Variants in MYH9 observed in about 807,000 individuals in gnomAD.
MYH9 encodes myosin-9.
A neutral mutation model predicts 241.9 loss-of-function variants in MYH9; 29 were observed. That is an observed-to-expected ratio of 0.12 (90% CI 0.09 to 0.16). MYH9 has a LOEUF of 0.16. Among genes scored for constraint, MYH9 ranks in the 10% least tolerant of loss-of-function variants. The pLI, the probability that MYH9 is intolerant of heterozygous loss-of-function variation, is 1.00. For missense variants in MYH9, 1,803 were observed against 2,595.5 expected (o/e 0.69, Z 6.63); for synonymous variants, 1,047 against 1,062.6 (o/e 0.99, Z 0.29).
At chr22:36,383,401 C>T (rs2146430124) in intron 1 of MYH9, among the ~76,000 whole-genome samples, 1 of 152,266 alleles carries the variant, frequency 6.6e-6, no homozygotes, top group South Asian at 2.1e-4. Context: ...TCTGTCCCAG[C>T]CGGGGCCCTG....
intron 1 of MYH9, among the ~76,000 whole-genome samples, chr22:36,374,045 C>A (rs562552551): frequency 8.4e-4 from 128 of 151,640 alleles, no homozygotes; most frequent in Middle Eastern, 3.4e-3. Flanking sequence ...GTGCAATAAA[C>A]ACCACACACA....
rs2016776564 is a variant in MYH9, at chr22:36,295,632, G to A, written c.3358C>T (p.Leu1120=). 4 of 1,613,820 alleles carry A rather than the reference G, an allele frequency of 2.5e-6. No homozygotes were observed. Among genetic ancestry groups the A allele is most frequent in the Admixed American group, 3.3e-5 (2 of 59,986 alleles). ...TTCCTGGAAGCACGCTCAGACTCCA[G>A]GTCTTCCTGGAGTTCAGAGATCTGA... is the stretch of plus-strand genomic sequence containing the variant. ...ESQISELQED[L]ESERASRNKA... is the part of the protein sequence containing the mutation. The change falls in exon 26 of 41, where the codon CTG becomes TTG. Residue 1120 remains leucine (L), a synonymous_variant. Transcript: ENST00000216181. This position sits in a 1 kb window ranked among gnomAD's most constrained non-coding sequence, Gnocchi z 4.1.
chr22:36,384,450 G>C (rs1166723371), intron 1 of MYH9, among the ~76,000 whole-genome samples: 1 of 149,126 alleles, frequency 6.7e-6, no homozygotes, highest in Non-Finnish European at 1.5e-5. Flanking sequence ...GGGTGTGGTG[G>C]TGGGCACCTG....
chr22:36,334,190 C>T (rs1439231955), intron 3 of MYH9, among the ~76,000 whole-genome samples: 2 of 152,170 alleles, frequency 1.3e-5, no homozygotes, highest in Admixed American at 1.3e-4. Flanking sequence ...ATGAGACTGA[C>T]AGGCAGGACC....
intron 31 of MYH9, among the ~76,000 whole-genome samples, chr22:36,290,351 AAAAAAAACCCAAACTATTTT>A (rs1336086653): frequency 1.3e-4 from 20 of 151,684 alleles, no homozygotes; most frequent in African/African-American, 4.6e-4. Flanking sequence ...AAAAAAAAAA[AAAAAAAACCCAAACTATTTT>A]AAAAAAACCC....
intron 1 of MYH9, among the ~76,000 whole-genome samples, chr22:36,367,117 T>C (rs182921026): frequency 6.6e-6 from 1 of 152,220 alleles, no homozygotes; most frequent in East Asian, 1.9e-4. Flanking sequence ...TCAAAGGTAA[T>C]GGGGCACTAG....
chr22:36,323,554 T>C lies in MYH9; in HGVS notation c.613-1033A>G, dbSNP rs148812519. On this transcript the variant is annotated intron_variant, in intron 5 of 40. Coordinates refer to ENST00000216181, the MANE Select transcript of MYH9 (RefSeq NM_002473.6). ...GGGAACAGCAGCCGCCTGTGAGTGA[T>C]GACAAGGAGAACTAGGAGGAGTAGG... 1.8e-3 allele frequency among the ~76,000 whole-genome samples: 268 copies of C among 152,124 alleles called. 1 individual carries two copies. Among genetic ancestry groups the C allele is most frequent in the South Asian group, 2.9e-3 (14 of 4,810 alleles).
At chr22:36,378,850 G>A (rs1030240302) in intron 1 of MYH9, among the ~76,000 whole-genome samples, 2 of 152,028 alleles carry the variant, frequency 1.3e-5, no homozygotes, top group African/African-American at 4.8e-5. Context: ...TCACCATTTA[G>A]AAAACACGCT....
intron 1 of MYH9, among the ~76,000 whole-genome samples, chr22:36,366,493 G>A (rs1352710107): frequency 6.6e-6 from 1 of 152,162 alleles, no homozygotes; most frequent in Non-Finnish European, 1.5e-5. Context: ...GATCCCGCCA[G>A]CCTTGGCAAA....
chr22:36,302,777 C>T (rs1301867641), intron 19 of MYH9, 101 bp from the exon 20 acceptor site: 3 of 978,130 alleles, frequency 3.1e-6, no homozygotes, highest in Non-Finnish European at 4.8e-6. Flanking sequence ...CTACCCTTGC[C>T]TGGGGCACCT....
Position 36,324,715 on chromosome 22 carries a change from C to T in MYH9, c.612+1853G>A, listed in dbSNP as rs9622382. 4.3e-3 allele frequency among the ~76,000 whole-genome samples: 654 copies of T among 152,350 alleles called. 7 individuals are homozygous for T. The highest frequency in any genetic ancestry group is 0.013 in the African/African-American group (550 of 41,576). On this transcript the variant is annotated intron_variant, in intron 5 of 40. Coordinates refer to ENST00000216181, the MANE Select transcript of MYH9 (RefSeq NM_002473.6). The stretch of plus-strand genomic sequence containing the variant: ...CTTCAGGCAAGGAAATCAACCAAAC[C>T]GGCCAATGGTCTTTCACGCTGACAG...
At chr22:36,362,095 TC>T (rs1003846863) in intron 1 of MYH9, among the ~76,000 whole-genome samples, 71 of 151,964 alleles carry the variant, frequency 4.7e-4, no homozygotes, top group African/African-American at 1.5e-3. Flanking sequence ...GAAATCATCC[TC>T]CCTTACCTGC....
intron 21 of MYH9, 74 bp from the exon 22 acceptor site, chr22:36,301,131 A>T: frequency 2.1e-6 from 3 of 1,412,716 alleles, no homozygotes; most frequent in Non-Finnish European, 3.0e-6. Flanking sequence ...GACGGACGCC[A>T]TGGCTCGGGA....
Position 36,351,207 on chromosome 22 carries a change from C to T in MYH9, c.-19-1952G>A, listed in dbSNP as rs529624209. ...AAAAACCTTTTTGCTGGCTCCCTTT[C>T]GCCAGGAGGGACACAAGTCCCAGGA... On this transcript the variant is annotated intron_variant, in intron 1 of 40. Transcript: ENST00000216181. Among the ~76,000 whole-genome samples, 6 of 152,318 alleles carry T rather than the reference C, an allele frequency of 3.9e-5. No homozygotes were observed. In the South Asian group the frequency reaches 1.0e-3, roughly 26 times the overall value.
intron 13 of MYH9, among the ~76,000 whole-genome samples, chr22:36,313,030 C>G (rs1274984269): frequency 6.6e-6 from 1 of 150,452 alleles, no homozygotes; most frequent in Non-Finnish European, 1.5e-5. Flanking sequence ...GCAAAGGTTG[C>G]AGTGAGCCGA....
chr22:36,304,979 T>G (rs1366616420), intron 18 of MYH9, 54 bp downstream of exon 18: 1 of 1,560,008 alleles, frequency 6.4e-7, no homozygotes, highest in East Asian at 2.2e-5. Flanking sequence ...ACGTGGGCAC[T>G]CCCCAGACAA....
intron 38 of MYH9, 106 bp from the exon 39 acceptor site, chr22:36,284,617 G>C (rs529366468): frequency 5.6e-6 from 6 of 1,063,612 alleles, no homozygotes; most frequent in Admixed American, 1.9e-5. Flanking sequence ...TGGCATCTAG[G>C]GATCACGTAG....
chr22:36,372,463 T>C (rs2018103140), intron 1 of MYH9, among the ~76,000 whole-genome samples: 1 of 138,698 alleles, frequency 7.2e-6, no homozygotes, highest in Non-Finnish European at 1.5e-5. Flanking sequence ...CACTCCAGCC[T>C]GGGCAAAAGA....
intron 1 of MYH9, among the ~76,000 whole-genome samples, chr22:36,350,303 C>T (rs1406283125): frequency 1.3e-5 from 2 of 152,156 alleles, no homozygotes; most frequent in East Asian, 3.8e-4. Flanking sequence ...TTTGGGAGGC[C>T]GAGGCAGGCA....
Sources: allele counts gnomAD v4.1 joint callset (sites outside exome capture counted in the v4.1 genomes callset), GRCh38; gene constraint gnomAD v4.1.1; non-coding constraint Gnocchi (gnomAD v3.1); transcripts MANE v1.5; gene names NCBI Gene and HGNC (gene_info 2026-07-23, HGNC 2026-07-21).